The following DGKB variants were observed in gnomAD, a reference collection of about 807,000 sequenced individuals.
The protein encoded by DGKB is diacylglycerol kinase beta, also known as 90 kDa diacylglycerol kinase.
DGKB carries 67 observed loss-of-function variants against 114.3 expected under a neutral mutation model. That is an observed-to-expected ratio of 0.59 (90% CI 0.48 to 0.72). The LOEUF is 0.72. Ranked by LOEUF, DGKB falls within the 30% of genes least tolerant of loss-of-function variation. DGKB has a pLI of 0.00. For synonymous variants in DGKB, 398 were observed against 323.1 expected, an observed-to-expected ratio of 1.23 and a Z score of -2.49; for missense variants, 907 against 975.2, an observed-to-expected ratio of 0.93 and a Z score of 0.93.
chr7:14,225,804 T>G (rs1472980732), intron 23 of DGKB, among the ~76,000 whole-genome samples: 2 of 151,988 alleles, frequency 1.3e-5, no homozygotes, highest in African/African-American at 4.8e-5. Context: ...CTAAATTTAG[T>G]CTTTAAATAT....
chr7:14,843,044 C>CA (rs909179299), intron 1 of DGKB, among the ~76,000 whole-genome samples: 15 of 151,390 alleles, frequency 9.9e-5, no homozygotes, highest in East Asian at 7.8e-4. Context: ...CCCATCTCTA[C>CA]AAAAAAAACA....
chr7:14,819,802 T>A (rs1046484222), intron 2 of DGKB, among the ~76,000 whole-genome samples: 5 of 152,092 alleles, frequency 3.3e-5, no homozygotes, highest in African/African-American at 1.2e-4. Flanking sequence ...CCATATATCT[T>A]TAAGAGTCAA....
At chr7:14,163,785 A>G (rs1349238256) in intron 25 of DGKB, among the ~76,000 whole-genome samples, 1 of 152,178 alleles carries the variant, frequency 6.6e-6, no homozygotes, top group African/African-American at 2.4e-5. Context: ...ACCTGAGGTC[A>G]GGAATTCGAG....
intron 1 of DGKB, among the ~76,000 whole-genome samples, chr7:14,959,707 A>G (rs1030644127): frequency 1.3e-5 from 2 of 151,682 alleles, no homozygotes; most frequent in African/African-American, 2.4e-5. Flanking sequence ...CTCCACAATC[A>G]TATCTGTGGG....
At chr7:14,784,506 G>A (rs1326241074) in intron 2 of DGKB, among the ~76,000 whole-genome samples, 1 of 151,582 alleles carries the variant, frequency 6.6e-6, no homozygotes, top group Non-Finnish European at 1.5e-5. Flanking sequence ...CTCCCCAGTA[G>A]CTGGGTATAG....
chr7:14,856,706 G>T (rs564143369), intron 1 of DGKB, among the ~76,000 whole-genome samples: 2 of 151,882 alleles, frequency 1.3e-5, no homozygotes, highest in African/African-American at 2.4e-5. Flanking sequence ...TTCTATTAAT[G>T]AAGATTTAGG....
Position 14,146,092 on chromosome 7 carries a change from T to G in DGKB, c.*3039A>C, listed in dbSNP as rs1205903263. 2 of 152,238 alleles carry G rather than the reference T, an allele frequency of 1.3e-5. No homozygotes were observed. Among genetic ancestry groups the G allele is most frequent in the African/African-American group, 2.4e-5 (1 of 41,464 alleles). The allele number at this position is 152,238 out of a possible 1,614,324, so 9.4% of individuals were successfully genotyped here. On this transcript the variant is annotated 3_prime_UTR_variant, in exon 26 of 26. Transcript: ENST00000402815. ...GTTTTAAATAAAATAAAAACTGTTT[T>G]AAAATGTTAATTTTTAAACTTCCTG...
chr7:14,519,753 C>T (rs1319121069), intron 20 of DGKB, among the ~76,000 whole-genome samples: 1 of 151,796 alleles, frequency 6.6e-6, no homozygotes, highest in African/African-American at 2.4e-5. Context: ...TCTCAGTGGG[C>T]ATGTAGTGAT....
chr7:14,493,173 A>G (rs909988602), intron 20 of DGKB, among the ~76,000 whole-genome samples: 2 of 152,070 alleles, frequency 1.3e-5, no homozygotes, highest in Non-Finnish European at 2.9e-5. Context: ...CTACTCTGCT[A>G]TTTGAAGACT....
intron 2 of DGKB, 81 bp downstream of exon 2, chr7:14,841,113 T>C: frequency 8.1e-7 from 1 of 1,239,460 alleles, no homozygotes; most frequent in South Asian, 1.4e-5. Context: ...GAACAGGATC[T>C]ATGATCCATT....
chr7:14,901,078 T>A (rs1205708945), intron 1 of DGKB, among the ~76,000 whole-genome samples: 1 of 152,206 alleles, frequency 6.6e-6, no homozygotes, highest in African/African-American at 2.4e-5. Flanking sequence ...CAAGGTCACA[T>A]GTAGACTTTA....
At chr7:14,803,744 C>A (rs904915666) in intron 2 of DGKB, among the ~76,000 whole-genome samples, 5 of 152,070 alleles carry the variant, frequency 3.3e-5, no homozygotes, top group African/African-American at 1.2e-4. Context: ...ATAGATAAAG[C>A]TTTCTGTATT....
chr7:14,374,236 C>T (rs1043697550), intron 21 of DGKB, among the ~76,000 whole-genome samples: 17 of 152,152 alleles, frequency 1.1e-4, no homozygotes, highest in Non-Finnish European at 1.6e-4. Flanking sequence ...GACCTCCAAG[C>T]GAGACATTAA....
intron 4 of DGKB, among the ~76,000 whole-genome samples, chr7:14,747,800 CAA>C (rs1491563201): frequency 6.6e-6 from 1 of 152,008 alleles, no homozygotes; most frequent in African/African-American, 2.4e-5. Flanking sequence ...CACACACACA[CAA>C]ATGTTCAAAA....
chr7:14,388,588 T>C (rs1034252666), intron 21 of DGKB, among the ~76,000 whole-genome samples: 44 of 151,922 alleles, frequency 2.9e-4, no homozygotes, highest in African/African-American at 9.9e-4. Context: ...TAGGTAACTA[T>C]ACTTTTATTG....
intron 13 of DGKB, among the ~76,000 whole-genome samples, chr7:14,630,742 T>C (rs146562711): frequency 3.9e-5 from 6 of 152,152 alleles, no homozygotes; most frequent in African/African-American, 1.4e-4. Flanking sequence ...CATATTCCAT[T>C]AATACCAGTA....
At chr7:14,761,503 C>T (rs1235508303) in intron 2 of DGKB, among the ~76,000 whole-genome samples, 1 of 152,096 alleles carries the variant, frequency 6.6e-6, no homozygotes, top group Non-Finnish European at 1.5e-5. Flanking sequence ...TTTTATTGTG[C>T]CAACTCTGAG....
At chr7:14,270,575 C>G (rs2128431341) in intron 23 of DGKB, among the ~76,000 whole-genome samples, 1 of 152,324 alleles carries the variant, frequency 6.6e-6, no homozygotes, top group East Asian at 1.9e-4. Context: ...TACAGGCAAT[C>G]TGAGTCTTTG....
chr7:14,599,008 G>A (rs1803072132), intron 17 of DGKB, among the ~76,000 whole-genome samples: 1 of 152,130 alleles, frequency 6.6e-6, no homozygotes, highest in Admixed American at 6.6e-5. Flanking sequence ...ACTTGTTTTT[G>A]TGTTTAAAGA....
Sources: gnomAD v4.1 joint callset for allele counts (sites outside exome capture counted in the v4.1 genomes callset) on GRCh38, gnomAD v4.1.1 for gene constraint, MANE v1.5 for transcripts, NCBI Gene and HGNC (gene_info 2026-07-23, HGNC 2026-07-21) for gene names.